The following MUSK variants were observed in gnomAD, a reference collection of about 807,000 sequenced individuals.
The protein encoded by MUSK is muscle associated receptor tyrosine kinase.
A neutral mutation model predicts 88.7 loss-of-function variants in MUSK; 55 were observed. That is an observed-to-expected ratio of 0.62 (90% CI 0.50 to 0.78). The LOEUF is 0.78. MUSK is among the 30% of genes least tolerant of loss of function. The probability of loss-of-function intolerance (pLI) is 0.00; values close to 1 mark genes in which losing one functional copy is unlikely to be tolerated. For synonymous variants in MUSK, 387 were observed against 391.9 expected, an observed-to-expected ratio of 0.99 and a Z score of 0.15; for missense variants, 1,015 against 1,074.3, an observed-to-expected ratio of 0.94 and a Z score of 0.77.
chr9:110,695,728 A>G (rs2076422867), intron 4 of MUSK, among the ~76,000 whole-genome samples, 198 bp downstream of exon 4: 1 of 152,124 alleles, frequency 6.6e-6, no homozygotes, highest in Non-Finnish European at 1.5e-5. Context: ...GAAAAAAGAG[A>G]TGGGAACCAA....
chr9:110,707,684 C>T (rs2131758281), intron 5 of MUSK, among the ~76,000 whole-genome samples: 1 of 152,228 alleles, frequency 6.6e-6, no homozygotes, highest in South Asian at 2.1e-4. Context: ...TGTCTTGGCA[C>T]CAATACAAAA....
intron 3 of MUSK, among the ~76,000 whole-genome samples, chr9:110,690,551 T>G (rs868256096): frequency 3.3e-5 from 3 of 90,128 alleles, no homozygotes; most frequent in African/African-American, 1.6e-4. Context: ...AATATATATT[T>G]AAATATAAGT....
intron 5 of MUSK, among the ~76,000 whole-genome samples, chr9:110,712,952 G>A (rs1265368436): frequency 6.6e-6 from 1 of 152,202 alleles, no homozygotes; most frequent in East Asian, 1.9e-4. Context: ...ACACAGGACA[G>A]AGGAGATAGG....
rs1423523118 is a variant in MUSK, at chr9:110,690,896, G to C, written c.358+3628G>C. ...TAAATATATATATATTTTTTGAGAC[G>C]GAGTCTCGCTCAGGCTGGAGTGCAG... On this transcript the variant is annotated intron_variant, in intron 3 of 14. Coordinates refer to ENST00000374448, the MANE Select transcript of MUSK (RefSeq NM_005592.4). 2.8e-5 allele frequency among the ~76,000 whole-genome samples: 4 copies of C among 140,848 alleles called. 1 individual carries two copies. Among genetic ancestry groups the C allele is most frequent in the African/African-American group, 1.1e-4 (4 of 37,498 alleles). The allele number at this position is 140,848 out of a possible 152,430, so 92.4% of individuals were successfully genotyped here.
intron 7 of MUSK, among the ~76,000 whole-genome samples, chr9:110,758,950 G>A (rs192942042): frequency 1.7e-4 from 26 of 152,178 alleles, no homozygotes; most frequent in African/African-American, 4.8e-4. Flanking sequence ...AACAACCAAC[G>A]ACATTCTTCA....
chr9:110,725,028 T>C (rs2076865544), intron 5 of MUSK, among the ~76,000 whole-genome samples: 1 of 152,056 alleles, frequency 6.6e-6, no homozygotes, highest in Non-Finnish European at 1.5e-5. Context: ...AATGCACTTA[T>C]GTACACATAT....
At chr9:110,689,470 T>C (rs1353087880) in intron 3 of MUSK, among the ~76,000 whole-genome samples, 1 of 110,234 alleles carries the variant, frequency 9.1e-6, no homozygotes, top group African/African-American at 4.1e-5. Context: ...TTTATATATA[T>C]GTAAAAAATA....
Position 110,708,848 on chromosome 9 carries a change from T to G in MUSK, c.628+11382T>G, listed in dbSNP as rs188752962. Among the ~76,000 whole-genome samples the G allele has an allele frequency of 1.8e-3, 268 of 152,286 alleles. 1 individual carries two copies. Among genetic ancestry groups the G allele is most frequent in the African/African-American group, 6.3e-3 (261 of 41,556 alleles). ...AGTGCAGTGTTAAAGAAAATGTACT[T>G]TAAAGTAATTAAATTGTTTAGTATA... On this transcript the variant is annotated intron_variant, in intron 5 of 14. Coordinates refer to ENST00000374448, the MANE Select transcript of MUSK (RefSeq NM_005592.4).
chr9:110,671,197 C>T (rs1258843352), intron 1 of MUSK, among the ~76,000 whole-genome samples: 1 of 152,064 alleles, frequency 6.6e-6, no homozygotes, highest in Non-Finnish European at 1.5e-5. Flanking sequence ...GTCTCCATCT[C>T]TTGACCTCGT....
intron 8 of MUSK, among the ~76,000 whole-genome samples, chr9:110,764,286 A>G (rs906409653): frequency 3.3e-5 from 5 of 152,198 alleles, no homozygotes; most frequent in African/African-American, 1.2e-4. Flanking sequence ...CTTTAGCTGG[A>G]CATGGAGGGG....
intron 11 of MUSK, among the ~76,000 whole-genome samples, 178 bp downstream of exon 11, chr9:110,776,833 T>C (rs141834833): frequency 3.3e-5 from 5 of 152,320 alleles, no homozygotes; most frequent in Admixed American, 2.6e-4. Flanking sequence ...TCTCAGTTTA[T>C]AACTTTTAAT....
At chr9:110,680,245 T>C (rs1424833053) in intron 1 of MUSK, among the ~76,000 whole-genome samples, 1 of 152,198 alleles carries the variant, frequency 6.6e-6, no homozygotes, top group Non-Finnish European at 1.5e-5. Context: ...TGTTGCTGAA[T>C]AATCTCAGGT....
At chr9:110,769,411 C>G (rs2077534630) in intron 9 of MUSK, among the ~76,000 whole-genome samples, 1 of 151,710 alleles carries the variant, frequency 6.6e-6, no homozygotes. Context: ...GGCATGTTAT[C>G]TAAAAATCTC....
intron 8 of MUSK, 36 bp downstream of exon 8, chr9:110,762,244 T>C: frequency 7.1e-7 from 1 of 1,399,706 alleles, no homozygotes; most frequent in Admixed American, 2.3e-5. Context: ...GTTTCCAATG[T>C]TTTGTTTTGT....
chr9:110,755,925 T>C (rs965057247), intron 7 of MUSK, among the ~76,000 whole-genome samples: 3 of 95,894 alleles, frequency 3.1e-5, no homozygotes, highest in Non-Finnish European at 6.2e-5. Context: ...CAGTGCCATA[T>C]ATATATACAT....
chr9:110,683,206 C>T (rs758551630), intron 2 of MUSK, among the ~76,000 whole-genome samples: 28 of 152,016 alleles, frequency 1.8e-4, no homozygotes, highest in Admixed American at 3.3e-4. Context: ...TGTTTAGATC[C>T]CACAAATAAG....
chr9:110,675,271 G>A (rs1364035286), intron 1 of MUSK, among the ~76,000 whole-genome samples: 1 of 141,510 alleles, frequency 7.1e-6, no homozygotes. Context: ...GCCCAGGCTG[G>A]AGTGCAGTGT....
chr9:110,714,384 G>A (rs967554570), intron 5 of MUSK, among the ~76,000 whole-genome samples: 9 of 152,162 alleles, frequency 5.9e-5, no homozygotes, highest in African/African-American at 2.2e-4. Context: ...CAAGCCATGG[G>A]AGGGAATCCC....
At chr9:110,680,069 T>C (rs367609031) in intron 1 of MUSK, among the ~76,000 whole-genome samples, 1 of 152,174 alleles carries the variant, frequency 6.6e-6, no homozygotes, top group East Asian at 1.9e-4. Flanking sequence ...TTTACTCTAG[T>C]AACTATTTCA....
Sources: gnomAD v4.1 joint callset for allele counts (sites outside exome capture counted in the v4.1 genomes callset) on GRCh38, gnomAD v4.1.1 for gene constraint, MANE v1.5 for transcripts, NCBI Gene and HGNC (gene_info 2026-07-23, HGNC 2026-07-21) for gene names.